The following PRRG2 variants were observed in gnomAD, a reference collection of about 807,000 sequenced individuals.
PRRG2 encodes transmembrane gamma-carboxyglutamic acid protein 2.
A neutral mutation model predicts 27.1 loss-of-function variants in PRRG2; 23 were observed. That is an observed-to-expected ratio of 0.85 (90% CI 0.61 to 1.20). PRRG2 has a LOEUF of 1.20. Among genes scored for constraint, PRRG2 ranks in the 50% most tolerant of loss-of-function variants. The pLI is 0.00. For missense variants in PRRG2, 276 were observed against 254.8 expected (o/e 1.08, Z -0.57); for synonymous variants, 104 against 103.4 (o/e 1.01, Z -0.03).
chr19:49,583,936 C>A lies in PRRG2; in HGVS notation c.285C>A (p.Ile95=), dbSNP rs1471976935. Residue 95 remains isoleucine (I), a synonymous_variant, in exon 4 of 7, where the codon ATC becomes ATA. Transcript: ENST00000246794. ...AGGAGCGCTTTTGGGAGAGCTACAT[C>A]TACAATGGCAAAGGAGGTGAGTGAG... The part of the protein sequence containing the change: ...TLTERFWESY[I]YNGKGGRGRV... 2 of 1,613,634 alleles carry A rather than the reference C, an allele frequency of 1.2e-6. No individual in the cohort carries two copies. Among genetic ancestry groups the A allele is most frequent in the African/African-American group, 2.7e-5 (2 of 74,900 alleles).
chr19:49,583,839 G>C (rs2080647991), intron 3 of PRRG2, 74 bp from the exon 4 acceptor site: 1 of 1,603,196 alleles, frequency 6.2e-7, no homozygotes, highest in Non-Finnish European at 8.5e-7. Context: ...ATCAGGATGG[G>C]CTAGTTTGGG....
rs117225796 is a variant in PRRG2 at position 49,588,506 on chromosome 19, G to A, written c.311G>A (p.Arg104Gln). The change falls in exon 5 of 7, where the codon CGA becomes CAA. Residue 104 changes from arginine (R) to glutamine (Q), a missense_variant. Coordinates refer to ENST00000246794, the MANE Select transcript of PRRG2 (RefSeq NM_000951.3). ...CCCTACTTTCCTGCAGGGCGTGGAC[G>A]AGTGGATGTGGCCAGCCTGGCTGTG... ...YIYNGKGGRG[R>Q]VDVASLAVGL... 7.1e-3 allele frequency: 11,286 copies of A among 1,591,356 alleles called. 57 individuals are homozygous for A. Among genetic ancestry groups the A allele is most frequent in the Non-Finnish European group, 8.7e-3 (10,219 of 1,169,272 alleles).
chr19:49,583,099 A>G, intron 1 of PRRG2, 108 bp from the exon 2 acceptor site: 1 of 793,564 alleles, frequency 1.3e-6, no homozygotes, highest in Non-Finnish European at 2.1e-6. Flanking sequence ...AGGCTGTGTA[A>G]GTGGCTGCTA....
chr19:49,586,714 G>C (rs2080673097), intron 4 of PRRG2, among the ~76,000 whole-genome samples: 1 of 152,214 alleles, frequency 6.6e-6, no homozygotes, highest in South Asian at 2.1e-4. Context: ...AGCTGGATGT[G>C]GTGGTGCACA....
intron 4 of PRRG2, among the ~76,000 whole-genome samples, chr19:49,586,397 T>A (rs1172455544): frequency 5.3e-5 from 8 of 151,582 alleles, no homozygotes; most frequent in Non-Finnish European, 1.0e-4. Flanking sequence ...ATTTTTTTTT[T>A]TTTTTTTTTA....
intron 1 of PRRG2, among the ~76,000 whole-genome samples, chr19:49,581,894 G>A (rs1036754002): frequency 2.0e-5 from 3 of 152,096 alleles, no homozygotes; most frequent in African/African-American, 7.2e-5. Context: ...CCTTCGGCAA[G>A]CTATATTACC....
At position 49,590,299 on chromosome 19, in the gene PRRG2, G is replaced by T. The variant is rs1189184728; in HGVS notation, c.591-72G>T. The T allele has an allele frequency of 3.7e-6, 6 of 1,608,562 alleles. No individual in the cohort carries two copies. The Admixed American group carries it at 1.0e-4, about 27-fold the overall frequency. ...TTGGCTGAGACGCCAAGGGCGGTCG[G>T]AGTGGTCCTGGTTGAAGGGGGGAGA... is the stretch of plus-strand genomic sequence containing the variant. On this transcript the variant is annotated intron_variant, in intron 6 of 6. Coordinates refer to ENST00000246794, the MANE Select transcript of PRRG2 (RefSeq NM_000951.3).
At position 49,590,610 on chromosome 19, in the gene PRRG2, C is replaced by A; in HGVS notation, c.*221C>A. The A allele has an allele frequency of 1.6e-6, 1 of 626,140 alleles. No homozygotes were observed. The highest frequency in any genetic ancestry group is 2.8e-6 in the Non-Finnish European group (1 of 362,936). 38.8% of individuals were successfully genotyped at this position (626,140 alleles called of 1,614,324 possible). On this transcript the variant is annotated 3_prime_UTR_variant, in exon 7 of 7. Coordinates refer to ENST00000246794, the MANE Select transcript of PRRG2 (RefSeq NM_000951.3). ...TTCCCGTGTCCTGGCCCCTCACGGG[C>A]CCCCACACTCTCCTGACCGTGAGGG...
At position 49,583,722 on chromosome 19, in the gene PRRG2, G is replaced by A. The variant is rs2080646997; in HGVS notation, c.261+5G>A. The A allele has an allele frequency of 6.2e-7, 1 of 1,613,636 alleles. No homozygotes were observed. The highest frequency in any genetic ancestry group is 8.5e-7 in the Non-Finnish European group (1 of 1,179,698). ...TTTGAGGACAACACTCTCACGGTGAGGGCCTCGAGACCCTGGAGTTTCGGG... is the reference window on the plus strand; with the variant it reads ...TTTGAGGACAACACTCTCACGGTGAAGGCCTCGAGACCCTGGAGTTTCGGG... On this transcript the variant is annotated splice_donor_5th_base_variant and intron_variant, in intron 3 of 6. Transcript: ENST00000246794.
At chr19:49,585,405 C>T (rs1263773680) in intron 4 of PRRG2, among the ~76,000 whole-genome samples, 2 of 152,220 alleles carry the variant, frequency 1.3e-5, no homozygotes, top group Admixed American at 1.3e-4. Flanking sequence ...CCTAGCGAGG[C>T]GTAGTGGCTC....
Position 49,588,462 on chromosome 19 carries a change from C to G in PRRG2, c.302-35C>G, listed in dbSNP as rs377029500. 16 of 1,568,384 alleles carry G rather than the reference C, an allele frequency of 1.0e-5. No homozygotes were observed. In the African/African-American group the frequency reaches 2.0e-4, roughly 20 times the overall value. Reference sequence around the variant, plus strand: ...TGATGTTGGGGTGGGTGGCAGTCCCCGAGACAGTGTCTCCCCTTCCCTACT... The same window carrying G: ...TGATGTTGGGGTGGGTGGCAGTCCCGGAGACAGTGTCTCCCCTTCCCTACT... On this transcript the variant is annotated intron_variant, in intron 4 of 6. Coordinates refer to ENST00000246794, the MANE Select transcript of PRRG2 (RefSeq NM_000951.3).
chr19:49,590,545 T>G lies in PRRG2; in HGVS notation c.*156T>G. 6.9e-6 allele frequency: 7 copies of G among 1,008,316 alleles called. No individual in the cohort carries two copies. The highest frequency in any genetic ancestry group is 7.5e-6 in the Non-Finnish European group (5 of 668,392). 62.5% of individuals were successfully genotyped at this position (1,008,316 alleles called of 1,614,324 possible). On this transcript the variant is annotated 3_prime_UTR_variant, in exon 7 of 7. Coordinates refer to ENST00000246794, the MANE Select transcript of PRRG2 (RefSeq NM_000951.3). ...CCGAGGCCTGCCCTGGCACACGCGTTTCCGCCGCGTATGGATATACACATG... is the reference window on the plus strand; with the variant it reads ...CCGAGGCCTGCCCTGGCACACGCGTGTCCGCCGCGTATGGATATACACATG...
chr19:49,580,860 C>T (rs2080617141), upstream of PRRG2, among the ~76,000 whole-genome samples: 1 of 152,158 alleles, frequency 6.6e-6, no homozygotes, highest in African/African-American at 2.4e-5. Flanking sequence ...TAATCACTTC[C>T]CCTAGAGATC....
upstream of PRRG2, among the ~76,000 whole-genome samples, chr19:49,581,013 CAG>C (rs1486469775): frequency 1.3e-5 from 2 of 152,192 alleles, no homozygotes; most frequent in Non-Finnish European, 2.9e-5. Flanking sequence ...TCTCAGGAAA[CAG>C]GGATTTACTG....
chr19:49,588,384 CCCAGCTCTG>C, intron 4 of PRRG2, 104 bp from the exon 5 acceptor site: 5 of 1,443,816 alleles, frequency 3.5e-6, no homozygotes, highest in South Asian at 2.6e-5. Flanking sequence ...AGGAAGGGAC[CCCAGCTCTG>C]CCTGCTTCCG....
chr19:49,582,192 G>C (rs949086829), intron 1 of PRRG2, among the ~76,000 whole-genome samples: 2 of 137,854 alleles, frequency 1.5e-5, no homozygotes, highest in African/African-American at 2.8e-5. Context: ...AGTGAGCTGA[G>C]ATAGCGCCAC....
At chr19:49,584,474 A>C (rs1599775282) in intron 4 of PRRG2, among the ~76,000 whole-genome samples, 1 of 150,814 alleles carries the variant, frequency 6.6e-6, no homozygotes, top group African/African-American at 2.4e-5. Flanking sequence ...CAGGCCTTTA[A>C]TTATTTATTT....
chr19:49,588,083 T>C (rs1327294563), intron 4 of PRRG2, among the ~76,000 whole-genome samples: 3 of 152,154 alleles, frequency 2.0e-5, no homozygotes, highest in African/African-American at 7.2e-5. Flanking sequence ...TGTGTCAGCC[T>C]CCCAGATAAC....
Position 49,588,578 on chromosome 19 carries a change from C to T in PRRG2, c.383C>T (p.Ala128Val). The T allele has an allele frequency of 1.3e-6, 2 of 1,557,068 alleles. No individual in the cohort carries two copies. The highest frequency in any genetic ancestry group is 1.7e-4 in the Middle Eastern group (1 of 5,960). ...ILLIVLAGLG[A>V]FWYLRWRQHR... is the part of the protein sequence containing the mutation. ...CTCATTGTCCTGGCCGGCCTGGGAG[C>T]CTTTTGGTATCTGCGCTGGCGACAG... Residue 128 changes from alanine (A) to valine (V), a missense_variant, in exon 5 of 7, where the codon GCC becomes GTC. Ala to Val is a moderately conservative substitution (Grantham distance 64). Transcript: ENST00000246794.
Sources: gnomAD v4.1 joint callset for allele counts (sites outside exome capture counted in the v4.1 genomes callset) on GRCh38, gnomAD v4.1.1 for gene constraint, MANE v1.5 for transcripts, NCBI Gene and HGNC (gene_info 2026-07-23, HGNC 2026-07-21) for gene names.